LONP2: variants seen among roughly 807,000 people sequenced by gnomAD.
LONP2 encodes the protein lon protease homolog 2, peroxisomal.
Under a neutral mutation model 85.6 loss-of-function variants are expected in LONP2, and 60 were observed. The ratio of observed to expected loss-of-function variants is 0.70; its 90% CI spans 0.57 to 0.87. The LOEUF is 0.87. Ranked by LOEUF, LONP2 falls within the 40% of genes least tolerant of loss-of-function variation. The pLI, the probability that LONP2 is intolerant of heterozygous loss-of-function variation, is 0.00. For missense variants in LONP2, 860 were observed against 1,063.5 expected (o/e 0.81, Z 2.66); for synonymous variants, 395 against 389.7 (o/e 1.01, Z -0.16).
intron 14 of LONP2, 34 bp from the exon 15 acceptor site, chr16:48,351,547 C>A (rs757218612): frequency 6.4e-7 from 1 of 1,569,470 alleles, no homozygotes; most frequent in Non-Finnish European, 8.7e-7. Flanking sequence ...TGAGGGTGAT[C>A]ATTAACCCTA....
intron 11 of LONP2, among the ~76,000 whole-genome samples, chr16:48,327,607 G>A (rs1017627595): frequency 6.6e-6 from 1 of 152,042 alleles, no homozygotes; most frequent in African/African-American, 2.4e-5. Flanking sequence ...ACAGGCACCT[G>A]CCACCAGGTC....
intron 11 of LONP2, among the ~76,000 whole-genome samples, chr16:48,326,736 T>C (rs1355374451): frequency 6.6e-6 from 1 of 152,214 alleles, no homozygotes; most frequent in Non-Finnish European, 1.5e-5. Context: ...TTTTATTTTT[T>C]AACAGAGAGC....
At chr16:48,270,525 G>A (rs1233552862) in intron 7 of LONP2, among the ~76,000 whole-genome samples, 2 of 152,094 alleles carry the variant, frequency 1.3e-5, no homozygotes, top group African/African-American at 4.8e-5. Flanking sequence ...AATCTCATTT[G>A]AATGTAATTA....
chr16:48,284,695 C>CA (rs749665609), intron 8 of LONP2, among the ~76,000 whole-genome samples: 7 of 150,134 alleles, frequency 4.7e-5, no homozygotes, highest in Non-Finnish European at 5.9e-5. Flanking sequence ...CACTGGGAAA[C>CA]AAAAAAAAAC....
chr16:48,273,697 C>G (rs1199567518), intron 7 of LONP2, among the ~76,000 whole-genome samples: 1 of 152,078 alleles, frequency 6.6e-6, no homozygotes, highest in Non-Finnish European at 1.5e-5. Context: ...TATAAGGTAA[C>G]TAACTTCTTT....
At chr16:48,252,565 A>G (rs1246227745) in intron 2 of LONP2, among the ~76,000 whole-genome samples, 200 bp downstream of exon 2, 1 of 152,172 alleles carries the variant, frequency 6.6e-6, no homozygotes, top group African/African-American at 2.4e-5. Flanking sequence ...TACCCTTTCT[A>G]AAGTTTTCCA....
intron 11 of LONP2, among the ~76,000 whole-genome samples, chr16:48,308,235 G>A (rs2151005324): frequency 6.6e-6 from 1 of 152,272 alleles, no homozygotes; most frequent in Non-Finnish European, 1.5e-5. Flanking sequence ...AACGTACACT[G>A]GGAAAGGACA....
Position 48,362,681 on chromosome 16 carries a change from C to G in LONP2, c.*818C>G. 4.5e-6 allele frequency: 2 copies of G among 446,280 alleles called. No individual in the cohort carries two copies. The highest frequency in any genetic ancestry group is 8.4e-6 in the Non-Finnish European group (2 of 239,022). 27.6% of individuals were successfully genotyped at this position (446,280 alleles called of 1,614,324 possible). A position where few individuals can be genotyped will look rare whatever the true frequency, so the allele number is the denominator to read the frequency against. ...GGAAAACATGTGGAACTCCCTTAAT[C>G]GTCTTTGGATAGACTACATAGAATA... is the stretch of plus-strand genomic sequence containing the variant. On this transcript the variant is annotated 3_prime_UTR_variant, in exon 5 of 5. Coordinates refer to the LONP2 transcript ENST00000565867. The surrounding 1 kb of genome is among the most constrained non-coding windows in gnomAD (Gnocchi z 4.2).
intron 8 of LONP2, among the ~76,000 whole-genome samples, chr16:48,283,739 A>G (rs997310015): frequency 5.3e-5 from 8 of 152,212 alleles, no homozygotes; most frequent in Non-Finnish European, 1.0e-4. Flanking sequence ...TTCATTCCTT[A>G]TAAAACAACA....
At chr16:48,314,505 G>T (rs191353463) in intron 11 of LONP2, among the ~76,000 whole-genome samples, 128 of 152,104 alleles carry the variant, frequency 8.4e-4, no homozygotes, top group Middle Eastern at 6.8e-3. Context: ...TAAGGAAGGG[G>T]TCCAGTTTCT....
chr16:48,361,561 A>G (rs1468472985), downstream of LONP2: 3 of 1,608,036 alleles, frequency 1.9e-6, no homozygotes, highest in South Asian at 3.3e-5. Context: ...CACTGGCCAG[A>G]AAATGTTTGA....
intron 8 of LONP2, among the ~76,000 whole-genome samples, chr16:48,292,132 A>C (rs907071140): frequency 6.6e-6 from 1 of 152,234 alleles, no homozygotes; most frequent in Non-Finnish European, 1.5e-5. Context: ...TAGCTTAGTG[A>C]ATCTGCATTT....
intron 9 of LONP2, among the ~76,000 whole-genome samples, chr16:48,299,360 G>A (rs1019774494): frequency 6.6e-6 from 1 of 151,904 alleles, no homozygotes; most frequent in African/African-American, 2.4e-5. Context: ...TGAGGCTGGT[G>A]GATCACTTGA....
chr16:48,281,591 C>T (rs943466421), intron 8 of LONP2, among the ~76,000 whole-genome samples: 2 of 152,072 alleles, frequency 1.3e-5, no homozygotes, highest in African/African-American at 4.8e-5. Flanking sequence ...CATGTCCAGA[C>T]TTTATTGTTA....
chr16:48,360,037 T>C (rs888560902), downstream of LONP2, among the ~76,000 whole-genome samples: 2 of 152,254 alleles, frequency 1.3e-5, no homozygotes, highest in Non-Finnish European at 2.9e-5. Context: ...CGCTGGATGC[T>C]GATATGAGCA....
intron 8 of LONP2, among the ~76,000 whole-genome samples, chr16:48,286,816 T>A (rs374710483): frequency 6.6e-6 from 1 of 152,054 alleles, no homozygotes; most frequent in African/African-American, 2.4e-5. Context: ...TTTTTTTTTT[T>A]ACTCTTTAGG....
chr16:48,337,580 G>A (rs1200749742), intron 12 of LONP2, among the ~76,000 whole-genome samples: 3 of 152,026 alleles, frequency 2.0e-5, no homozygotes, highest in Non-Finnish European at 4.4e-5. Flanking sequence ...ACCTAGTGCT[G>A]TTTATTACTC....
In LONP2 at chr16:48,281,042, A is replaced by G. The variant is rs115296717; in HGVS notation, c.1383+3563A>G. On this transcript the variant is annotated intron_variant, in intron 8 of 14. Coordinates refer to ENST00000285737, the MANE Select transcript of LONP2 (RefSeq NM_031490.5). ...TTGGAGACCCAAGTATAGTTTTATT[A>G]TCTTTCTACATAGAAAACCTGCTTT... Among the ~76,000 whole-genome samples the G allele has an allele frequency of 8.6e-3, 1,305 of 152,298 alleles. 15 individuals are homozygous for G. The highest frequency in any genetic ancestry group is 0.029 in the African/African-American group (1,205 of 41,558).
chr16:48,341,668 T>G (rs994317103), intron 12 of LONP2, among the ~76,000 whole-genome samples: 3 of 152,248 alleles, frequency 2.0e-5, no homozygotes, highest in African/African-American at 7.2e-5. Context: ...GAACTTAGCC[T>G]AGATTTCAGA....
Sources: gnomAD v4.1 joint callset for allele counts (sites outside exome capture counted in the v4.1 genomes callset) on GRCh38, gnomAD v4.1.1 for gene constraint, Gnocchi (gnomAD v3.1) non-coding constraint, MANE v1.5 for transcripts, NCBI Gene and HGNC (gene_info 2026-07-23, HGNC 2026-07-21) for gene names.